The following TRAF2 variants were observed in gnomAD, a reference collection of about 807,000 sequenced individuals.
TRAF2 encodes TNF receptor-associated factor 2.
A neutral mutation model predicts 55.6 loss-of-function variants in TRAF2; 6 were observed. The observed-to-expected ratio is 0.11, with a 90% confidence interval of 0.06 to 0.21. The LOEUF (loss-of-function observed/expected upper bound fraction) is 0.21. Ranked by LOEUF, TRAF2 falls within the 10% of genes least tolerant of loss-of-function variation. The pLI, the probability that TRAF2 is intolerant of heterozygous loss-of-function variation, is 1.00. For missense variants in TRAF2, 561 were observed against 684.5 expected (o/e 0.82, Z 2.01); for synonymous variants, 329 against 276.3 (o/e 1.19, Z -1.89).
chr9:136,923,138 T>C (rs1301189790), intron 9 of TRAF2, among the ~76,000 whole-genome samples: 1 of 152,146 alleles, frequency 6.6e-6, no homozygotes, highest in African/African-American at 2.4e-5. Flanking sequence ...CTTCTTGTTT[T>C]GGGGTTCACT....
intron 1 of TRAF2, among the ~76,000 whole-genome samples, chr9:136,894,140 G>C (rs1434773956): frequency 6.8e-6 from 1 of 147,854 alleles, no homozygotes; most frequent in African/African-American, 2.5e-5. Context: ...TCTGCTTGCT[G>C]GGTTCAAGCA....
At chr9:136,917,118 C>G (rs1243957628) in intron 7 of TRAF2, among the ~76,000 whole-genome samples, 1 of 152,204 alleles carries the variant, frequency 6.6e-6, no homozygotes, top group Non-Finnish European at 1.5e-5. Flanking sequence ...CCCCAGCCGT[C>G]ACTGCCCTGT....
chr9:136,910,540 G>A (rs950775408), intron 6 of TRAF2, among the ~76,000 whole-genome samples: 5 of 152,292 alleles, frequency 3.3e-5, no homozygotes, highest in Admixed American at 6.5e-5. Flanking sequence ...GAAATAATAC[G>A]CATGGAAACA....
chr9:136,894,449 G>T (rs1273556005), intron 1 of TRAF2, among the ~76,000 whole-genome samples: 1 of 152,202 alleles, frequency 6.6e-6, no homozygotes, highest in Non-Finnish European at 1.5e-5. Context: ...AGGCTGCTGG[G>T]CCTTGTCCTG....
chr9:136,896,535 G>A (rs936341351), intron 1 of TRAF2, among the ~76,000 whole-genome samples: 1 of 152,204 alleles, frequency 6.6e-6, no homozygotes, highest in African/African-American at 2.4e-5. Flanking sequence ...TGCTTGATAG[G>A]GCCAGCACGT....
intron 1 of TRAF2, among the ~76,000 whole-genome samples, chr9:136,887,886 T>A (rs910345347): frequency 6.6e-6 from 1 of 152,122 alleles, no homozygotes; most frequent in South Asian, 2.1e-4. Flanking sequence ...TTATTTATTT[T>A]TTGAGATAGT....
Position 136,908,271 on chromosome 9 carries a change from T to C in TRAF2, c.528+40T>C, listed in dbSNP as rs528480783. ...GCAGCAGCCTGTGTGGCTGCAGCCATGCGGGGCTGAGCTGGGGAGCTGCGT... is the reference window on the plus strand; with the variant it reads ...GCAGCAGCCTGTGTGGCTGCAGCCACGCGGGGCTGAGCTGGGGAGCTGCGT... On this transcript the variant is annotated intron_variant, in intron 5 of 10. Transcript: ENST00000247668. 2.8e-5 allele frequency: 42 copies of C among 1,520,080 alleles called. No individual in the cohort carries two copies. In the Admixed American group the frequency reaches 3.4e-4, roughly 12 times the overall value. The allele number at this position is 1,520,080 out of a possible 1,614,324, so 94.2% of individuals were successfully genotyped here.
intron 1 of TRAF2, among the ~76,000 whole-genome samples, chr9:136,898,207 C>T (rs1340096404): frequency 6.6e-6 from 1 of 152,174 alleles, no homozygotes; most frequent in Non-Finnish European, 1.5e-5. Context: ...ATGGCTCTCT[C>T]CTGAGTGCCT....
intron 1 of TRAF2, among the ~76,000 whole-genome samples, chr9:136,894,228 G>A (rs765808350): frequency 6.7e-6 from 1 of 149,422 alleles, no homozygotes; most frequent in South Asian, 2.1e-4. Context: ...TGTATTTTTA[G>A]TAGAGACAGG....
intron 1 of TRAF2, among the ~76,000 whole-genome samples, chr9:136,894,863 C>G (rs1849649028): frequency 6.6e-6 from 1 of 152,178 alleles, no homozygotes; most frequent in South Asian, 2.1e-4. Flanking sequence ...ACCTGTAGTC[C>G]CAGCCACTGG....
At chr9:136,894,897 G>C (rs1298458801) in intron 1 of TRAF2, among the ~76,000 whole-genome samples, 1 of 152,202 alleles carries the variant, frequency 6.6e-6, no homozygotes, top group Non-Finnish European at 1.5e-5. Context: ...AGGATCGCTT[G>C]AGCCCAGGAC....
In TRAF2 at chr9:136,925,868, C is replaced by T; in HGVS notation, c.1473C>T (p.Phe491=). 1 of 1,614,250 alleles carries T rather than the reference C, an allele frequency of 6.2e-7. No homozygotes were observed. Among genetic ancestry groups the T allele is most frequent in the Middle Eastern group, 1.6e-4 (1 of 6,062 alleles). The change falls in exon 11 of 11, where the codon TTC becomes TTT. Residue 491 remains phenylalanine (F), a synonymous_variant. Coordinates refer to ENST00000247668, the MANE Select transcript of TRAF2 (RefSeq NM_021138.4). ...CCTACGTGCGGGACGATGCCATCTTCATCAAGGCCATTGTGGACCTGACAG... is the reference window on the plus strand; with the variant it reads ...CCTACGTGCGGGACGATGCCATCTTTATCAAGGCCATTGTGGACCTGACAG... ...KNSYVRDDAI[F]IKAIVDLTGL
intron 1 of TRAF2, among the ~76,000 whole-genome samples, chr9:136,893,492 C>T (rs1849621202): frequency 6.6e-6 from 1 of 152,194 alleles, no homozygotes; most frequent in Admixed American, 6.5e-5. Context: ...CTCTGCGTTC[C>T]CCAGTCCTGT....
chr9:136,882,183 T>A, upstream of TRAF2: 1 of 467,620 alleles, frequency 2.1e-6, no homozygotes, highest in Non-Finnish European at 2.8e-6. Flanking sequence ...ACATGAGGTG[T>A]GAGCCTTCAA....
upstream of TRAF2, among the ~76,000 whole-genome samples, chr9:136,884,284 C>T (rs964080473): frequency 1.3e-5 from 2 of 151,432 alleles, no homozygotes; most frequent in African/African-American, 2.4e-5. Context: ...GTCAGCCAGG[C>T]GCAGTGGCTC....
chr9:136,921,499 C>A (rs367993809), intron 9 of TRAF2, among the ~76,000 whole-genome samples: 13 of 151,930 alleles, frequency 8.6e-5, no homozygotes, highest in African/African-American at 3.1e-4. Context: ...GCCTGGTCCT[C>A]TGGCACACAG....
intron 1 of TRAF2, among the ~76,000 whole-genome samples, chr9:136,889,988 TGTGA>T (rs1428146008): frequency 1.7e-4 from 10 of 58,570 alleles, no homozygotes; most frequent in Admixed American, 2.4e-4. Flanking sequence ...TCACCGCGTG[TGTGA>T]GAGTCCCCAC....
chr9:136,912,544 A>G (rs1850140573), intron 6 of TRAF2, among the ~76,000 whole-genome samples: 1 of 152,132 alleles, frequency 6.6e-6, no homozygotes. Context: ...AGTAGGTTTA[A>G]AATTAAAAAT....
Position 136,923,835 on chromosome 9 carries a change from C to T in TRAF2, c.1139-17C>T, listed in dbSNP as rs1850457813. The T allele has an allele frequency of 1.2e-6, 2 of 1,611,646 alleles. No homozygotes were observed. The highest frequency in any genetic ancestry group is 1.7e-6 in the Non-Finnish European group (2 of 1,178,868). Reference sequence around the variant, plus strand: ...TGCTGAGTGTCAGCTCACCAGGCACCCCTCCTGCCTCCCCAGCCTTCTACA... The same window carrying T: ...TGCTGAGTGTCAGCTCACCAGGCACTCCTCCTGCCTCCCCAGCCTTCTACA... On this transcript the variant is annotated splice_polypyrimidine_tract_variant and intron_variant, in intron 9 of 10. Coordinates refer to ENST00000247668, the MANE Select transcript of TRAF2 (RefSeq NM_021138.4).
Sources: allele counts gnomAD v4.1 joint callset (sites outside exome capture counted in the v4.1 genomes callset), GRCh38; gene constraint gnomAD v4.1.1; transcripts MANE v1.5; gene names NCBI Gene and HGNC (gene_info 2026-07-23, HGNC 2026-07-21).